The following MRGPRX3 variants were observed in gnomAD, a reference collection of about 807,000 sequenced individuals.
The protein encoded by MRGPRX3 is mas-related G protein-coupled receptor member X3.
In MRGPRX3, 14 loss-of-function variants were observed where a neutral mutation model predicts 16.5. That is an observed-to-expected ratio of 0.85 (90% CI 0.56 to 1.33). The LOEUF is 1.33. MRGPRX3 is among the 40% of genes most tolerant of loss of function. MRGPRX3 has a pLI of 0.00. For missense variants in MRGPRX3, 449 were observed against 413.0 expected (o/e 1.09, Z -0.76); for synonymous variants, 199 against 180.1 (o/e 1.10, Z -0.84).
At chr11:18,121,469 C>T (rs12417571) in intron 1 of MRGPRX3, among the ~76,000 whole-genome samples, 6 of 151,228 alleles carry the variant, frequency 4.0e-5, no homozygotes, top group Non-Finnish European at 8.9e-5. Context: ...GTTAGCCCCC[C>T]GCCCGGCCAG....
intron 1 of MRGPRX3, among the ~76,000 whole-genome samples, chr11:18,133,174 A>G (rs1590306531): frequency 6.6e-6 from 1 of 152,236 alleles, no homozygotes; most frequent in Non-Finnish European, 1.5e-5. Flanking sequence ...GGAGTGTTTC[A>G]TGAGGAAAGT....
chr11:18,131,375 G>A (rs985585627), upstream of MRGPRX3, among the ~76,000 whole-genome samples: 1 of 151,950 alleles, frequency 6.6e-6, no homozygotes, highest in Non-Finnish European at 1.5e-5. Flanking sequence ...GTGGGCTAAG[G>A]ACATGAATAG....
chr11:18,132,365 G>A (rs1022199485), upstream of MRGPRX3: 2 of 152,150 alleles, frequency 1.3e-5, no homozygotes, highest in African/African-American at 4.8e-5. Context: ...ATTGCTTAAT[G>A]TGATGCCTAG....
Position 18,137,546 on chromosome 11 carries a change from C to A in MRGPRX3, c.344C>A (p.Ala115Asp), listed in dbSNP as rs767130852. 12 of 1,614,066 alleles carry A rather than the reference C, an allele frequency of 7.4e-6. No individual in the cohort carries two copies. The South Asian group carries it at 9.9e-5, about 13-fold the overall frequency. ...PYFIGLSMLSAISTERCLSIL... is the reference protein window; with the variant it reads ...PYFIGLSMLSDISTERCLSIL... ...TTTATAGGCCTAAGCATGCTGAGCG[C>A]CATCAGCACCGAGCGCTGCCTGTCC... is the stretch of plus-strand genomic sequence containing the variant. The change falls in exon 2 of 2, where the codon GCC becomes GAC. Residue 115 changes from alanine to aspartate, a missense_variant. Physicochemically the swap from Ala to Asp is moderately radical, Grantham distance 126. Transcript: ENST00000621697.
At chr11:18,122,343 C>T (rs1030444302) in intron 1 of MRGPRX3, among the ~76,000 whole-genome samples, 4 of 152,162 alleles carry the variant, frequency 2.6e-5, no homozygotes, top group Non-Finnish European at 5.9e-5. Context: ...CTAATGCTAT[C>T]CCTCCCACGA....
At chr11:18,124,809 A>G (rs1328494391) in intron 1 of MRGPRX3, among the ~76,000 whole-genome samples, 2 of 152,158 alleles carry the variant, frequency 1.3e-5, no homozygotes, top group Non-Finnish European at 2.9e-5. Flanking sequence ...CTGTGAATTC[A>G]TCTGGTCCTG....
In MRGPRX3 at chr11:18,137,392, T is replaced by A; in HGVS notation, c.190T>A (p.Tyr64Asn). 6.2e-7 allele frequency: 1 copy of A among 1,614,204 alleles called. No individual in the cohort carries two copies. The highest frequency in any genetic ancestry group is 1.1e-5 in the South Asian group (1 of 91,072). Residue 64 changes from tyrosine (Y) to asparagine (N), a missense_variant, in exon 2 of 2, where the codon TAC (tyrosine) becomes AAC (asparagine). Physicochemically the swap from Tyr to Asn is moderately radical, Grantham distance 143. Transcript: ENST00000621697. The part of the protein sequence containing the change: ...CRMRRNAVSI[Y>N]ILNLVAADFL... Reference sequence around the variant, plus strand: ...CATGCGCAGGAACGCTGTCTCCATCTACATCCTCAACCTGGTCGCGGCCGA... The same window carrying A: ...CATGCGCAGGAACGCTGTCTCCATCAACATCCTCAACCTGGTCGCGGCCGA...
chr11:18,126,293 G>A (rs1023301846), intron 1 of MRGPRX3, among the ~76,000 whole-genome samples: 5 of 152,082 alleles, frequency 3.3e-5, no homozygotes, highest in Non-Finnish European at 7.4e-5. Flanking sequence ...AACATTGATG[G>A]TCTTTACAAC....
chr11:18,125,675 G>T (rs991889668), intron 1 of MRGPRX3, among the ~76,000 whole-genome samples: 2 of 152,214 alleles, frequency 1.3e-5, no homozygotes, highest in Non-Finnish European at 2.9e-5. Flanking sequence ...TTGATTTGGG[G>T]TGGAGAGTTC....
intron 1 of MRGPRX3, among the ~76,000 whole-genome samples, chr11:18,127,106 T>G (rs1023309725): frequency 3.3e-5 from 5 of 152,248 alleles, no homozygotes; most frequent in Non-Finnish European, 7.3e-5. Context: ...GCCCCCACTC[T>G]CTTCTGGCTT....
intron 1 of MRGPRX3, among the ~76,000 whole-genome samples, chr11:18,134,689 G>T (rs1378045925): frequency 1.3e-5 from 2 of 152,150 alleles, no homozygotes; most frequent in African/African-American, 2.4e-5. Flanking sequence ...TTCCTAGAGA[G>T]TTGCCCTCAT....
rs753140223 is a variant in MRGPRX3 at position 18,138,106 on chromosome 11, G to T, written c.904G>T (p.Asp302Tyr). ...GGCTCTGCAGGACACGCCTGAGGTGGATGAAGGTGGAGGGTGGCTTCCTCA... is the reference window on the plus strand; with the variant it reads ...GGCTCTGCAGGACACGCCTGAGGTGTATGAAGGTGGAGGGTGGCTTCCTCA... ...QRALQDTPEVDEGGGWLPQET... is the reference protein window; with the variant it reads ...QRALQDTPEVYEGGGWLPQET... The change falls in exon 2 of 2, where the codon GAT becomes TAT. Residue 302 changes from aspartate (D) to tyrosine (Y), a missense_variant. By Grantham distance (160) the Asp-to-Tyr change is radical. Coordinates refer to ENST00000621697, the MANE Select transcript of MRGPRX3 (RefSeq NM_001370464.1). 5 of 1,614,076 alleles carry T rather than the reference G, an allele frequency of 3.1e-6. No homozygotes were observed. In the South Asian group the frequency reaches 5.5e-5, roughly 18 times the overall value.
Position 18,138,286 on chromosome 11 carries a change from C to G in MRGPRX3, c.*115C>G. On this transcript the variant is annotated 3_prime_UTR_variant, in exon 2 of 2. Coordinates refer to ENST00000621697, the MANE Select transcript of MRGPRX3 (RefSeq NM_001370464.1). ...CCTCAGAAATGTCTCAGTGGTCCCT[C>G]AAGGTCTTCGAATAGATGTTTATCT... 6.7e-7 allele frequency: 1 copy of G among 1,486,936 alleles called. No individual in the cohort carries two copies. The highest frequency in any genetic ancestry group is 1.4e-5 in the South Asian group (1 of 71,014). The allele number at this position is 1,486,936 out of a possible 1,614,324, so 92.1% of individuals were successfully genotyped here.
At chr11:18,121,284 G>A (rs1409296020) in intron 1 of MRGPRX3, 1 of 159,670 alleles carries the variant, frequency 6.3e-6, no homozygotes. Context: ...TCTGGGAAGT[G>A]AGGAGCGTCT....
chr11:18,137,282 C>A lies in MRGPRX3; in HGVS notation c.80C>A (p.Thr27Asn). The change falls in exon 2 of 2, where the codon ACC (threonine) becomes AAC (asparagine). Residue 27 changes from threonine (T) to asparagine (N), a missense_variant. Physicochemically the swap from Thr to Asn is moderately conservative, Grantham distance 65. Coordinates refer to ENST00000621697, the MANE Select transcript of MRGPRX3 (RefSeq NM_001370464.1). The stretch of plus-strand genomic sequence containing the variant: ...GAGGAGACTCCTTGCTACAAGCAGA[C>A]CCTGAGCTTCACGGGGCTGACGTGC... ...GREETPCYKQTLSFTGLTCIV... is the reference protein window; with the variant it reads ...GREETPCYKQNLSFTGLTCIV... 6.2e-7 allele frequency: 1 copy of A among 1,614,094 alleles called. No individual in the cohort carries two copies. Among genetic ancestry groups the A allele is most frequent in the Non-Finnish European group, 8.5e-7 (1 of 1,180,014 alleles).
At chr11:18,126,849 C>T (rs1193378140) in intron 1 of MRGPRX3, among the ~76,000 whole-genome samples, 1 of 152,130 alleles carries the variant, frequency 6.6e-6, no homozygotes, top group Non-Finnish European at 1.5e-5. Context: ...GCATAGTATT[C>T]CATGGTGTAT....
intron 1 of MRGPRX3, among the ~76,000 whole-genome samples, chr11:18,134,035 A>T (rs1025079158): frequency 7.9e-5 from 12 of 152,122 alleles, no homozygotes; most frequent in African/African-American, 2.9e-4. Flanking sequence ...TATCCTCCTA[A>T]TTCCTGGGGC....
chr11:18,136,856 A>C (rs1395315580), intron 1 of MRGPRX3, among the ~76,000 whole-genome samples: 4 of 152,142 alleles, frequency 2.6e-5, no homozygotes, highest in African/African-American at 9.7e-5. Flanking sequence ...GAATTCCTCC[A>C]CCTGAGAGAA....
chr11:18,125,439 G>C (rs535852794), intron 1 of MRGPRX3, among the ~76,000 whole-genome samples: 14 of 152,080 alleles, frequency 9.2e-5, no homozygotes, highest in East Asian at 1.9e-4. Context: ...CCTTCATTTC[G>C]TTATGTACCC....
Sources: allele counts gnomAD v4.1 joint callset (sites outside exome capture counted in the v4.1 genomes callset), GRCh38; gene constraint gnomAD v4.1.1; transcripts MANE v1.5; gene names NCBI Gene and HGNC (gene_info 2026-07-23, HGNC 2026-07-21).